The following KYNU variants were observed in gnomAD, a reference collection of about 807,000 sequenced individuals.
KYNU encodes kynureninase, also known as L-kynurenine hydrolase.
KYNU carries 54 observed loss-of-function variants against 59.2 expected under a neutral mutation model. That is an observed-to-expected ratio of 0.91 (90% CI 0.73 to 1.14). The LOEUF is 1.14. Ranked by LOEUF, KYNU falls within the 50% of genes most tolerant of loss-of-function variation. The pLI is 0.00. For synonymous variants in KYNU, 177 were observed against 192.0 expected (o/e 0.92, Z 0.65); for missense variants, 567 against 554.4 (o/e 1.02, Z -0.23).
At chr2:143,036,712 A>T (rs1407845944) in intron 12 of KYNU, among the ~76,000 whole-genome samples, 1 of 152,240 alleles carries the variant, frequency 6.6e-6, no homozygotes, top group East Asian at 1.9e-4. Flanking sequence ...AAAGTCTTTG[A>T]AGAGGAACCT....
intron 10 of KYNU, among the ~76,000 whole-genome samples, chr2:143,026,070 G>A (rs967208937): frequency 5.9e-5 from 9 of 152,106 alleles, no homozygotes; most frequent in Admixed American, 5.9e-4. Flanking sequence ...AACAATATGT[G>A]CTCTTTAAGA....
At chr2:142,949,004 A>T (rs1047156023) in intron 4 of KYNU, among the ~76,000 whole-genome samples, 1 of 152,244 alleles carries the variant, frequency 6.6e-6, no homozygotes, top group African/African-American at 2.4e-5. Context: ...AAATGGGAGA[A>T]ATTGGCCAAA....
chr2:142,882,501 T>G (rs549135945), intron 1 of KYNU, among the ~76,000 whole-genome samples: 103 of 152,202 alleles, frequency 6.8e-4, no homozygotes, highest in Admixed American at 1.3e-3. Context: ...CACGACAGGC[T>G]CCGGTGTGTG....
chr2:142,878,609 C>CA (rs1216701042), intron 1 of KYNU, among the ~76,000 whole-genome samples: 1 of 152,148 alleles, frequency 6.6e-6, no homozygotes, highest in African/African-American at 2.4e-5. Context: ...ACCAGACACT[C>CA]AGTCATTTAT....
chr2:143,042,995 T>C lies in KYNU; in HGVS notation c.*823T>C, dbSNP rs1379887303. The C allele has an allele frequency of 6.6e-6, 1 of 151,954 alleles. No individual in the cohort carries two copies. The highest frequency in any genetic ancestry group is 2.4e-5 in the African/African-American group (1 of 41,410). The allele number at this position is 151,954 out of a possible 1,614,324, so 9.4% of individuals were successfully genotyped here. On this transcript the variant is annotated 3_prime_UTR_variant, in exon 14 of 14. Coordinates refer to ENST00000264170, the MANE Select transcript of KYNU (RefSeq NM_003937.3). ...TTACAATTATTTGCCTGTGCTCTAA[T>C]AGGTACTATTCTATTTTATCTCATA...
At chr2:143,014,973 A>C (rs887562547) in intron 10 of KYNU, among the ~76,000 whole-genome samples, 1 of 152,162 alleles carries the variant, frequency 6.6e-6, no homozygotes, top group African/African-American at 2.4e-5. Flanking sequence ...AGATCACTGT[A>C]ATCTTGAGTT....
chr2:142,880,057 G>A (rs1280366942), intron 1 of KYNU, among the ~76,000 whole-genome samples: 1 of 152,156 alleles, frequency 6.6e-6, no homozygotes, highest in African/African-American at 2.4e-5. Flanking sequence ...TGCCCTTCTA[G>A]TAATATGTCA....
Position 142,893,647 on chromosome 2 carries a change from T to C in KYNU, c.169+8111T>C, listed in dbSNP as rs554078484. Among the ~76,000 whole-genome samples, 8 of 152,204 alleles carry C rather than the reference T, an allele frequency of 5.3e-5. No homozygotes were observed. The East Asian group carries it at 1.4e-3, about 26-fold the overall frequency. On this transcript the variant is annotated intron_variant, in intron 2 of 13. Coordinates refer to ENST00000264170, the MANE Select transcript of KYNU (RefSeq NM_003937.3). Reference sequence around the variant, plus strand: ...GTGGGGGCTTGAATATGATTGTGCATTGAGAAGATGGTATGGGAAAAAAAA... The same window carrying C: ...GTGGGGGCTTGAATATGATTGTGCACTGAGAAGATGGTATGGGAAAAAAAA...
intron 8 of KYNU, among the ~76,000 whole-genome samples, chr2:142,963,029 A>C (rs1684400724): frequency 6.6e-6 from 1 of 152,238 alleles, no homozygotes; most frequent in Non-Finnish European, 1.5e-5. Flanking sequence ...TTTCAGAAAT[A>C]AAGCATGGTG....
chr2:142,926,846 T>C (rs758892329), intron 3 of KYNU, among the ~76,000 whole-genome samples: 39 of 152,180 alleles, frequency 2.6e-4, no homozygotes, highest in Non-Finnish European at 5.6e-4. Context: ...TTCAACTTTA[T>C]TAAATGTTAT....
At chr2:142,971,703 A>G (rs1165002866) in intron 8 of KYNU, among the ~76,000 whole-genome samples, 1 of 152,208 alleles carries the variant, frequency 6.6e-6, no homozygotes, top group Non-Finnish European at 1.5e-5. Context: ...CATACCTGCT[A>G]GACAAGTGAA....
chr2:142,899,161 G>A (rs374415547), intron 2 of KYNU, among the ~76,000 whole-genome samples: 1 of 152,130 alleles, frequency 6.6e-6, no homozygotes, highest in East Asian at 1.9e-4. Context: ...GACCAGAAGA[G>A]CGTGCAGTTG....
intron 4 of KYNU, among the ~76,000 whole-genome samples, chr2:142,949,025 TAC>T (rs1236584621): frequency 2.0e-5 from 3 of 152,356 alleles, no homozygotes; most frequent in Middle Eastern, 3.4e-3. Context: ...ACAAAGGGGC[TAC>T]AGGCCCCATG....
At chr2:143,021,405 G>A (rs1347392523) in intron 10 of KYNU, among the ~76,000 whole-genome samples, 1 of 151,924 alleles carries the variant, frequency 6.6e-6, no homozygotes, top group African/African-American at 2.4e-5. Context: ...ATTTTTACTG[G>A]TGTGTTAGGC....
intron 8 of KYNU, among the ~76,000 whole-genome samples, chr2:142,968,658 A>G (rs1684620350): frequency 6.6e-6 from 1 of 152,182 alleles, no homozygotes. Flanking sequence ...TCACGCCTGT[A>G]GTCCCAGCAC....
chr2:142,933,668 G>A (rs545396117), intron 4 of KYNU, among the ~76,000 whole-genome samples: 5 of 152,246 alleles, frequency 3.3e-5, no homozygotes, highest in African/African-American at 9.6e-5. Flanking sequence ...TTGTCAAGAA[G>A]TTTAAAAGAG....
chr2:143,042,069 G>T lies in KYNU; in HGVS notation c.1295G>T (p.Gly432Val), dbSNP rs766753073. 6.2e-7 allele frequency: 1 copy of T among 1,611,448 alleles called. No individual in the cohort carries two copies. Among genetic ancestry groups the T allele is most frequent in the Non-Finnish European group, 8.5e-7 (1 of 1,178,310 alleles). ...GVVCDKRNPNGIRVAPVPLYN... is the reference protein window; with the variant it reads ...GVVCDKRNPNVIRVAPVPLYN... The stretch of plus-strand genomic sequence containing the variant: ...CAGTGTGACAAGCGGAATCCAAATG[G>T]CATTCGAGTGGCTCCAGTTCCTCTC... Residue 432 changes from glycine (G) to valine (V), a missense_variant, in exon 14 of 14, where the codon GGC becomes GTC. Physicochemically the swap from Gly to Val is moderately radical, Grantham distance 109. Transcript: ENST00000264170.
Position 142,885,329 on chromosome 2 carries a change from G to GA in KYNU, c.-19-20_-19-19insA. 6.2e-7 allele frequency: 1 copy of GA among 1,601,896 alleles called. No individual in the cohort carries two copies. On this transcript the variant is annotated intron_variant, in intron 1 of 13. Transcript: ENST00000264170. ...AGGAAAATTATGGTGGCTAGATTATGTTTTATTATTCTCTTTCAGTTTTAG... is the reference window on the plus strand; with the variant it reads ...AGGAAAATTATGGTGGCTAGATTATGATTTTATTATTCTCTTTCAGTTTTAG...
Position 142,924,497 on chromosome 2 carries a change from CT to C in KYNU, c.291-3160del, listed in dbSNP as rs199673426. On this transcript the variant is annotated intron_variant, in intron 3 of 13. Transcript: ENST00000264170. ...CAGCCCATGAAATTGTAATTATTTA[CT>C]TATGGAAGGAAGCTTTCTAAAAACA... Among the ~76,000 whole-genome samples the C allele has an allele frequency of 1.6e-4, 24 of 152,214 alleles. 1 individual carries two copies. In the East Asian group the frequency reaches 4.6e-3, roughly 29 times the overall value.
Sources: allele counts gnomAD v4.1 joint callset (sites outside exome capture counted in the v4.1 genomes callset), GRCh38; gene constraint gnomAD v4.1.1; transcripts MANE v1.5; gene names NCBI Gene and HGNC (gene_info 2026-07-23, HGNC 2026-07-21).